Variants in MCCC2 observed in about 807,000 individuals in gnomAD.
MCCC2 encodes the protein methylcrotonoyl-CoA carboxylase beta chain, mitochondrial.
In MCCC2, 52 loss-of-function variants were observed where a neutral mutation model predicts 77.2. The ratio of observed to expected loss-of-function variants is 0.67; its 90% CI spans 0.54 to 0.85. The LOEUF (loss-of-function observed/expected upper bound fraction) is 0.85. Among genes scored for constraint, MCCC2 ranks in the 40% least tolerant of loss-of-function variants. The pLI, the probability that MCCC2 is intolerant of heterozygous loss-of-function variation, is 0.00. For missense variants in MCCC2, 682 were observed against 703.2 expected (o/e 0.97, Z 0.34); for synonymous variants, 253 against 248.4 (o/e 1.02, Z -0.18).
intron 13 of MCCC2, among the ~76,000 whole-genome samples, chr5:71,647,331 G>A (rs1229855861): frequency 6.6e-6 from 1 of 152,170 alleles, no homozygotes; most frequent in Non-Finnish European, 1.5e-5. Context: ...AGCTACTTAG[G>A]TTCATGATAT....
chr5:71,639,828 C>G (rs935194911), intron 10 of MCCC2, among the ~76,000 whole-genome samples: 16 of 151,886 alleles, frequency 1.1e-4, no homozygotes, highest in African/African-American at 3.9e-4. Flanking sequence ...TGTTACATTC[C>G]CATTGTATTA....
At chr5:71,627,517 A>G (rs1746572182) in intron 7 of MCCC2, among the ~76,000 whole-genome samples, 2 of 152,190 alleles carry the variant, frequency 1.3e-5, no homozygotes, top group African/African-American at 4.8e-5. Flanking sequence ...GCTTTTGGGT[A>G]TTATGAATAA....
At chr5:71,648,808 C>A (rs1308103375) in intron 13 of MCCC2, among the ~76,000 whole-genome samples, 1 of 152,170 alleles carries the variant, frequency 6.6e-6, no homozygotes, top group Non-Finnish European at 1.5e-5. Context: ...AGTCACTGCA[C>A]CCAGCCAAGA....
intron 8 of MCCC2, among the ~76,000 whole-genome samples, chr5:71,633,073 A>G (rs1746775107): frequency 4.2e-5 from 5 of 117,808 alleles, no homozygotes; most frequent in Admixed American, 9.1e-5. Flanking sequence ...ATTGAGGAGG[A>G]GGGTTTTTTT....
intron 6 of MCCC2, among the ~76,000 whole-genome samples, chr5:71,625,095 C>T (rs1431034875): frequency 1.3e-5 from 2 of 152,192 alleles, no homozygotes; most frequent in East Asian, 3.8e-4. Flanking sequence ...GTTGCTTTCT[C>T]CTCCTTTTGC....
chr5:71,614,001 T>C (rs916825030), intron 6 of MCCC2, among the ~76,000 whole-genome samples: 3 of 150,156 alleles, frequency 2.0e-5, no homozygotes, highest in African/African-American at 7.3e-5. Flanking sequence ...TATATATATA[T>C]GGTTCATATT....
intron 6 of MCCC2, among the ~76,000 whole-genome samples, chr5:71,621,729 G>A (rs1746354234): frequency 6.6e-6 from 1 of 151,828 alleles, no homozygotes; most frequent in South Asian, 2.1e-4. Flanking sequence ...TTTGCCTGTT[G>A]ATTACCAGAG....
In MCCC2 at chr5:71,607,362, G is replaced by A. The variant is rs1404581116; in HGVS notation, c.624+2894G>A. Among the ~76,000 whole-genome samples the A allele has an allele frequency of 5.6e-3, 853 of 151,730 alleles. 5 individuals carry two copies. Among genetic ancestry groups the A allele is most frequent in the African/African-American group, 0.018 (739 of 41,338 alleles). On this transcript the variant is annotated intron_variant, in intron 6 of 16. Transcript: ENST00000340941. ...CTTCTAGATTTTCTAGTTTATTTGC[G>A]TAGAGGTGTTTGTAGTATTCTCTGA...
chr5:71,642,140 C>T (rs1372693638), intron 11 of MCCC2, among the ~76,000 whole-genome samples: 2 of 151,806 alleles, frequency 1.3e-5, no homozygotes, highest in Non-Finnish European at 2.9e-5. Flanking sequence ...CCCTAGAGTA[C>T]ACAACCTGGT....
chr5:71,600,822 T>C (rs1179379083), intron 4 of MCCC2, among the ~76,000 whole-genome samples: 1 of 152,202 alleles, frequency 6.6e-6, no homozygotes, highest in African/African-American at 2.4e-5. Context: ...CCTGACTTGC[T>C]GTGTGTCAGC....
In MCCC2 at chr5:71,657,596, TC is replaced by T. The variant is rs1747619366; in HGVS notation, c.*737del. On this transcript the variant is annotated 3_prime_UTR_variant, in exon 17 of 17. Coordinates refer to ENST00000340941, the MANE Select transcript of MCCC2 (RefSeq NM_022132.5). ...CACGCACCACCACACCCAGCTAAGT[TC>T]TGTATTTTTAGCAGAGACGGGATTT... The T allele has an allele frequency of 6.6e-6, 1 of 151,974 alleles. No individual in the cohort carries two copies. The highest frequency in any genetic ancestry group is 2.4e-5 in the African/African-American group (1 of 41,326). 9.4% of individuals were successfully genotyped at this position (151,974 alleles called of 1,614,324 possible).
At position 71,587,492 on chromosome 5, in the gene MCCC2, T is replaced by C; in HGVS notation, c.67T>C (p.Tyr23His). The C allele has an allele frequency of 6.5e-7, 1 of 1,537,880 alleles. No homozygotes were observed. Among genetic ancestry groups the C allele is most frequent in the Non-Finnish European group, 8.7e-7 (1 of 1,146,484 alleles). ...ARASPAGPRA[Y>H]HGDSVASLGT... ...CGCCTCTCCCGCCGGGCCGCGCGCC[T>C]ATCACGGGGACTCGGTGGCCTCGCT... The change falls in exon 1 of 17, where the codon TAT (tyrosine) becomes CAT (histidine). Residue 23 changes from tyrosine (Y) to histidine (H), a missense_variant. Transcript: ENST00000340941.
chr5:71,596,403 G>A (rs1184435611), intron 3 of MCCC2, 39 bp downstream of exon 3: 1 of 1,499,728 alleles, frequency 6.7e-7, no homozygotes, highest in South Asian at 1.1e-5. Context: ...AGTGTTCTCT[G>A]TTCCATAGTA....
At chr5:71,612,564 G>A (rs1244468205) in intron 6 of MCCC2, among the ~76,000 whole-genome samples, 13 of 152,056 alleles carry the variant, frequency 8.5e-5, no homozygotes. Flanking sequence ...TGCTATGTTG[G>A]CCAGGCTGGT....
intron 1 of MCCC2, among the ~76,000 whole-genome samples, chr5:71,590,893 T>C (rs1744949880): frequency 1.3e-5 from 2 of 152,226 alleles, no homozygotes; most frequent in African/African-American, 4.8e-5. Context: ...GCCTGACATG[T>C]AGTCTATCTT....
chr5:71,627,715 T>C (rs1038082440), intron 7 of MCCC2, among the ~76,000 whole-genome samples: 15 of 152,234 alleles, frequency 9.9e-5, no homozygotes. Flanking sequence ...CACATTCTTG[T>C]CAACACTTGT....
At chr5:71,655,613 C>A (rs1747557378) in intron 16 of MCCC2, among the ~76,000 whole-genome samples, 1 of 151,802 alleles carries the variant, frequency 6.6e-6, no homozygotes, top group African/African-American at 2.4e-5. Flanking sequence ...CTTTAGGGTC[C>A]CTATTATGAA....
At chr5:71,644,863 T>G (rs955442215) in intron 12 of MCCC2, among the ~76,000 whole-genome samples, 8 of 152,134 alleles carry the variant, frequency 5.3e-5, no homozygotes, top group African/African-American at 1.9e-4. Flanking sequence ...TCAACTTGAT[T>G]ATAAAATGAG....
At chr5:71,629,004 G>A (rs937549780) in intron 7 of MCCC2, among the ~76,000 whole-genome samples, 3 of 152,048 alleles carry the variant, frequency 2.0e-5, no homozygotes, top group Non-Finnish European at 2.9e-5. Flanking sequence ...TCAGGAACTC[G>A]AGACCAGCCT....
Sources: gnomAD v4.1 joint callset for allele counts (sites outside exome capture counted in the v4.1 genomes callset) on GRCh38, gnomAD v4.1.1 for gene constraint, MANE v1.5 for transcripts, NCBI Gene and HGNC (gene_info 2026-07-23, HGNC 2026-07-21) for gene names.